The following AUTS2 variants were observed in gnomAD, a reference collection of about 807,000 sequenced individuals.
The protein encoded by AUTS2 is activator of transcription and developmental regulator AUTS2.
A neutral mutation model predicts 112.4 loss-of-function variants in AUTS2; 17 were observed. The observed-to-expected ratio is 0.15, with a 90% CI of 0.10 to 0.23. AUTS2 has a LOEUF of 0.23. Among genes scored for constraint, AUTS2 ranks in the 10% least tolerant of loss-of-function variants. The pLI is 1.00. For missense variants in AUTS2, 1,510 were observed against 1,701.6 expected (o/e 0.89, Z 1.98); for synonymous variants, 751 against 702.7 (o/e 1.07, Z -1.09).
chr7:70,205,205 C>A (rs1200440406), intron 4 of AUTS2, among the ~76,000 whole-genome samples: 1 of 152,004 alleles, frequency 6.6e-6, no homozygotes, highest in Admixed American at 6.6e-5. Context: ...TTGTGCCTGG[C>A]TAATTTTTAT....
intron 4 of AUTS2, among the ~76,000 whole-genome samples, chr7:70,232,755 A>G (rs2129597072): frequency 6.6e-6 from 1 of 152,274 alleles, no homozygotes; most frequent in Middle Eastern, 3.4e-3. Context: ...GACAAGAGTC[A>G]TTATTTTTTC....
chr7:69,839,912 A>G (rs527617504), intron 1 of AUTS2, among the ~76,000 whole-genome samples: 1 of 152,214 alleles, frequency 6.6e-6, no homozygotes, highest in African/African-American at 2.4e-5. Context: ...ATAAAGAGGC[A>G]GATAAGAAAC....
chr7:70,047,732 G>A (rs1333843240), intron 2 of AUTS2, among the ~76,000 whole-genome samples: 1 of 152,098 alleles, frequency 6.6e-6, no homozygotes, highest in Non-Finnish European at 1.5e-5. Flanking sequence ...CAAGATATGG[G>A]GAGAAACTTA....
At chr7:69,873,909 A>C (rs762299244) in intron 1 of AUTS2, among the ~76,000 whole-genome samples, 1 of 152,248 alleles carries the variant, frequency 6.6e-6, no homozygotes, top group Non-Finnish European at 1.5e-5. Context: ...CAGCACTTCT[A>C]GACTGTGGCC....
intron 5 of AUTS2, among the ~76,000 whole-genome samples, chr7:70,536,961 A>C (rs1020240117): frequency 1.3e-5 from 2 of 152,168 alleles, no homozygotes; most frequent in Non-Finnish European, 2.9e-5. Context: ...TAGCAACTGT[A>C]GAGTATTAGA....
intron 4 of AUTS2, among the ~76,000 whole-genome samples, chr7:70,430,165 G>T (rs1000762526): frequency 1.4e-4 from 21 of 152,176 alleles, no homozygotes; most frequent in African/African-American, 5.1e-4. Flanking sequence ...AGGAAGATAA[G>T]TCCGCTCAAG....
chr7:70,572,875 C>A (rs1194748068), intron 5 of AUTS2, among the ~76,000 whole-genome samples: 1 of 152,128 alleles, frequency 6.6e-6, no homozygotes, highest in Non-Finnish European at 1.5e-5. Flanking sequence ...TTGTTCAGTG[C>A]TTCTAAATGT....
At chr7:70,614,082 G>T (rs1804231903) in intron 5 of AUTS2, among the ~76,000 whole-genome samples, 1 of 152,212 alleles carries the variant, frequency 6.6e-6, no homozygotes, top group African/African-American at 2.4e-5. Context: ...GAAGAAACCA[G>T]TTTGAAGTCA....
chr7:69,981,740 A>G (rs1798303028), intron 2 of AUTS2, among the ~76,000 whole-genome samples: 1 of 152,254 alleles, frequency 6.6e-6, no homozygotes, highest in African/African-American at 2.4e-5. Context: ...AAATTTAGAT[A>G]TTAACAAACA....
rs1797041486 is a variant in AUTS2 at position 69,685,819 on chromosome 7, A to G, written c.309+85857A>G. 2.6e-5 allele frequency among the ~76,000 whole-genome samples: 4 copies of G among 151,980 alleles called. No homozygotes were observed. In the South Asian group the frequency reaches 8.3e-4, roughly 32 times the overall value. ...GTGATCCTCCTAAAGTGCTAGAATT[A>G]CAGGCATGAGCCACCACACATGGCC... On this transcript the variant is annotated intron_variant, in intron 1 of 18. Coordinates refer to ENST00000342771, the MANE Select transcript of AUTS2 (RefSeq NM_015570.4).
chr7:70,461,870 C>T (rs1796978424), intron 5 of AUTS2, among the ~76,000 whole-genome samples: 1 of 151,770 alleles, frequency 6.6e-6, no homozygotes, highest in East Asian at 1.9e-4. Flanking sequence ...TCTGACTCTG[C>T]GTCAATCAGA....
chr7:69,661,899 A>T (rs1166045355), intron 1 of AUTS2, among the ~76,000 whole-genome samples: 1 of 152,170 alleles, frequency 6.6e-6, no homozygotes, highest in Non-Finnish European at 1.5e-5. Context: ...TGTTATTTTA[A>T]CTTGAAATAG....
intron 1 of AUTS2, among the ~76,000 whole-genome samples, chr7:69,638,350 GA>G (rs1219911812): frequency 6.6e-6 from 1 of 152,192 alleles, no homozygotes; most frequent in Non-Finnish European, 1.5e-5. Context: ...TAGAAGTTCA[GA>G]AAGATGAAGT....
At chr7:70,313,898 G>C (rs1585007138) in intron 4 of AUTS2, among the ~76,000 whole-genome samples, 1 of 152,264 alleles carries the variant, frequency 6.6e-6, no homozygotes, top group Middle Eastern at 3.4e-3. Context: ...CCAGCAGAGG[G>C]GTAACGCTCT....
At chr7:70,546,912 G>A (rs772279215) in intron 5 of AUTS2, among the ~76,000 whole-genome samples, 41 of 152,074 alleles carry the variant, frequency 2.7e-4, no homozygotes, top group Non-Finnish European at 5.0e-4. Flanking sequence ...TTTAGATTTT[G>A]TTTTCTTTTG....
chr7:70,297,655 C>A (rs533061972), intron 4 of AUTS2, among the ~76,000 whole-genome samples: 2 of 151,854 alleles, frequency 1.3e-5, no homozygotes, highest in East Asian at 3.9e-4. Context: ...AGGATAGTCT[C>A]GATCTCCTGA....
chr7:69,925,333 G>A lies in AUTS2; in HGVS notation c.522+25835G>A, dbSNP rs969653937. On this transcript the variant is annotated intron_variant, in intron 2 of 18. Coordinates refer to ENST00000342771, the MANE Select transcript of AUTS2 (RefSeq NM_015570.4). Reference sequence around the variant, plus strand: ...TCTGGCTTTTAAAAGTAGGAGCTGAGTTTGTTGATTTAAGATCTTTCTTCT... The same window carrying A: ...TCTGGCTTTTAAAAGTAGGAGCTGAATTTGTTGATTTAAGATCTTTCTTCT... Among the ~76,000 whole-genome samples the A allele has an allele frequency of 5.3e-5, 8 of 152,248 alleles. No individual in the cohort carries two copies. The East Asian group carries it at 1.4e-3, about 26-fold the overall frequency.
intron 5 of AUTS2, among the ~76,000 whole-genome samples, chr7:70,677,579 G>A (rs911762672): frequency 3.3e-5 from 5 of 152,012 alleles, no homozygotes; most frequent in East Asian, 1.9e-4. Context: ...CATTTTCCTC[G>A]AGTCACTTTT....
At chr7:70,102,214 G>A (rs1804538086) in intron 2 of AUTS2, among the ~76,000 whole-genome samples, 1 of 151,150 alleles carries the variant, frequency 6.6e-6, no homozygotes, top group Non-Finnish European at 1.5e-5. Flanking sequence ...TGGCTCCCGG[G>A]TTCACACCAT....
Sources: allele counts gnomAD v4.1 joint callset (sites outside exome capture counted in the v4.1 genomes callset), GRCh38; gene constraint gnomAD v4.1.1; transcripts MANE v1.5; gene names NCBI Gene and HGNC (gene_info 2026-07-23, HGNC 2026-07-21).